Variants in ZBTB40 observed in about 807,000 individuals in gnomAD.
ZBTB40 encodes zinc finger and BTB domain-containing protein 40.
ZBTB40 carries 60 observed loss-of-function variants against 117.5 expected under a neutral mutation model. The ratio of observed to expected loss-of-function variants is 0.51; its 90% CI spans 0.41 to 0.63. The LOEUF (loss-of-function observed/expected upper bound fraction) is 0.63, where lower values mean the gene tolerates loss of function less well. Among genes scored for constraint, ZBTB40 ranks in the 30% least tolerant of loss-of-function variants. ZBTB40 has a pLI of 0.00. For missense variants in ZBTB40, 1,287 were observed against 1,498.5 expected (o/e 0.86, Z 2.33); for synonymous variants, 525 against 577.1 (o/e 0.91, Z 1.29).
At chr1:22,473,273 A>G (rs929229088) in intron 1 of ZBTB40, among the ~76,000 whole-genome samples, 1 of 152,172 alleles carries the variant, frequency 6.6e-6, no homozygotes, top group East Asian at 1.9e-4. Context: ...GGTGATTCTT[A>G]TGCACATTAA....
chr1:22,506,280 C>CT (rs1323527781), intron 6 of ZBTB40, 39 bp downstream of exon 6: 1 of 1,604,052 alleles, frequency 6.2e-7, no homozygotes, highest in Non-Finnish European at 8.5e-7. Flanking sequence ...TGGAACCACT[C>CT]TTCCAGAAAA....
intron 1 of ZBTB40, among the ~76,000 whole-genome samples, chr1:22,444,534 G>A (rs925906026): frequency 3.3e-5 from 5 of 152,228 alleles, no homozygotes; most frequent in Admixed American, 3.3e-4. Context: ...AGTTGGGCGA[G>A]TGGGTTCAAG....
intron 1 of ZBTB40, among the ~76,000 whole-genome samples, chr1:22,455,250 A>C (rs1002300446): frequency 6.6e-6 from 1 of 152,212 alleles, no homozygotes; most frequent in Non-Finnish European, 1.5e-5. Context: ...GCATGATTTC[A>C]AGTTTCCTCC....
chr1:22,508,148 G>A lies in ZBTB40; in HGVS notation c.1497+11G>A, dbSNP rs1389994405. The A allele has an allele frequency of 2.5e-6, 4 of 1,613,176 alleles. No individual in the cohort carries two copies. The highest frequency in any genetic ancestry group is 2.5e-6 in the Non-Finnish European group (3 of 1,179,898). ...CCTGGAGAAAGAGAGGTAAGAGAGG[G>A]AGAGAAACAGAGGGAGGGGAGGGTA... On this transcript the variant is annotated intron_variant, in intron 7 of 17. Coordinates refer to ENST00000375647, the MANE Select transcript of ZBTB40 (RefSeq NM_014870.4).
intron 3 of ZBTB40, among the ~76,000 whole-genome samples, chr1:22,495,764 C>G (rs912145602): frequency 1.3e-5 from 2 of 152,188 alleles, no homozygotes; most frequent in African/African-American, 4.8e-5. Flanking sequence ...CATCCACCCG[C>G]CTTGGCCTCC....
chr1:22,483,150 T>C (rs1038048996), intron 1 of ZBTB40, among the ~76,000 whole-genome samples: 3 of 152,196 alleles, frequency 2.0e-5, no homozygotes, highest in African/African-American at 7.2e-5. Flanking sequence ...CTCATATCTT[T>C]TTAGCACTTT....
chr1:22,464,891 T>G (rs1215577135), intron 1 of ZBTB40, among the ~76,000 whole-genome samples: 1 of 152,204 alleles, frequency 6.6e-6, no homozygotes. Context: ...ATATGTAATT[T>G]ACATACCATA....
rs200373661 is a variant in ZBTB40, at chr1:22,468,088, C to CA, written c.-70+16099dup. ...TGAGTGACAGAGCAAGACCCCATCTCAAAAAAAAAAAAAAAGAAAAGAAGC... is the reference window on the plus strand; with the variant it reads ...TGAGTGACAGAGCAAGACCCCATCTCAAAAAAAAAAAAAAAAGAAAAGAAGC... On this transcript the variant is annotated intron_variant, in intron 1 of 17. Transcript: ENST00000375647. Among the ~76,000 whole-genome samples the CA allele has an allele frequency of 8.5e-3, 897 of 105,782 alleles. 1 individual carries two copies. Among genetic ancestry groups the CA allele is most frequent in the African/African-American group, 0.02 (588 of 29,046 alleles). 69.4% of individuals were successfully genotyped at this position (105,782 alleles called of 152,430 possible). A position where few individuals can be genotyped will look rare whatever the true frequency, so the allele number is the denominator to read the frequency against.
At chr1:22,505,632 T>C (rs1326096323) in intron 5 of ZBTB40, among the ~76,000 whole-genome samples, 3 of 152,194 alleles carry the variant, frequency 2.0e-5, no homozygotes, top group Non-Finnish European at 4.4e-5. Context: ...TTATGAACTT[T>C]ACTGAAAAAA....
At chr1:22,519,355 C>CA (rs1391742389) in intron 13 of ZBTB40, among the ~76,000 whole-genome samples, 2 of 152,252 alleles carry the variant, frequency 1.3e-5, no homozygotes, top group African/African-American at 4.8e-5. Flanking sequence ...ATGTAGCTCT[C>CA]AGACAGCATG....
chr1:22,521,481 C>T lies in ZBTB40; in HGVS notation c.3049-15C>T, dbSNP rs1569889312. 2 of 1,614,192 alleles carry T rather than the reference C, an allele frequency of 1.2e-6. No individual in the cohort carries two copies. The highest frequency in any genetic ancestry group is 1.7e-6 in the Non-Finnish European group (2 of 1,180,030). ...GGAACTTTCTAAGACCTAACACTTG[C>T]CAAATTCCTTGCAGCAATTGTCTGG... On this transcript the variant is annotated splice_polypyrimidine_tract_variant and intron_variant, in intron 14 of 17. Coordinates refer to ENST00000375647, the MANE Select transcript of ZBTB40 (RefSeq NM_014870.4).
chr1:22,458,790 C>G (rs1179026607), intron 1 of ZBTB40, among the ~76,000 whole-genome samples: 1 of 152,084 alleles, frequency 6.6e-6, no homozygotes, highest in East Asian at 1.9e-4. Flanking sequence ...GGGGTTTCAC[C>G]ATGTTGCCCA....
rs1639366521 is a variant in ZBTB40, at chr1:22,516,099, A to G, written c.2669-1201A>G. Among the ~76,000 whole-genome samples the G allele has an allele frequency of 2.6e-5, 4 of 152,212 alleles. No individual in the cohort carries two copies. The South Asian group carries it at 8.3e-4, about 32-fold the overall frequency. Reference sequence around the variant, plus strand: ...TGAAGGAAAGAAAGGAACTAAAGGAACTGAAGGCTTTGGGGCTTTGCCATG... The same window carrying G: ...TGAAGGAAAGAAAGGAACTAAAGGAGCTGAAGGCTTTGGGGCTTTGCCATG... On this transcript the variant is annotated intron_variant, in intron 12 of 17. Coordinates refer to ENST00000375647, the MANE Select transcript of ZBTB40 (RefSeq NM_014870.4).
chr1:22,493,799 T>G (rs1317435751), intron 3 of ZBTB40, among the ~76,000 whole-genome samples: 1 of 151,918 alleles, frequency 6.6e-6, no homozygotes, highest in Non-Finnish European at 1.5e-5. Context: ...CCCATGTTTT[T>G]TTTTTTTTTT....
chr1:22,484,575 C>T (rs995317031), intron 1 of ZBTB40, among the ~76,000 whole-genome samples: 1 of 152,278 alleles, frequency 6.6e-6, no homozygotes, highest in East Asian at 1.9e-4. Context: ...TAAAGACAAT[C>T]ATGTAGTCTG....
chr1:22,501,240 C>T (rs1638926821), intron 3 of ZBTB40, among the ~76,000 whole-genome samples: 1 of 152,128 alleles, frequency 6.6e-6, no homozygotes. Flanking sequence ...GGAAAGGCCT[C>T]CCAGCAGAGG....
chr1:22,508,288 G>A (rs1639128890), intron 7 of ZBTB40, 151 bp downstream of exon 7: 1 of 1,076,264 alleles, frequency 9.3e-7, no homozygotes, highest in Non-Finnish European at 1.3e-6. Flanking sequence ...AGGTATCTCA[G>A]TTTCTAAGGT....
Position 22,491,548 on chromosome 1 carries a change from C to G in ZBTB40, c.831+15C>G. ...CACAGAAGGAGGTAGGCACCTCTGACTTTTGTACTTGTTTGCTAGTTTAGT... is the reference window on the plus strand; with the variant it reads ...CACAGAAGGAGGTAGGCACCTCTGAGTTTTGTACTTGTTTGCTAGTTTAGT... On this transcript the variant is annotated intron_variant, in intron 3 of 17. Transcript: ENST00000375647. 5.0e-6 allele frequency: 8 copies of G among 1,613,044 alleles called. No homozygotes were observed. The highest frequency in any genetic ancestry group is 6.8e-6 in the Non-Finnish European group (8 of 1,179,378).
rs771186482 is a variant in ZBTB40, at chr1:22,517,349, TGAGC to T, written c.2719_2722del (p.Glu907CysfsTer5). 2 of 1,614,236 alleles carry T rather than the reference TGAGC, an allele frequency of 1.2e-6. No individual in the cohort carries two copies. Among genetic ancestry groups the T allele is most frequent in the Non-Finnish European group, 1.7e-6 (2 of 1,180,052 alleles). ...GTGATGCTGTGTTTGCCCAGTCTAT[TGAGC>T]TGTCCCGCCACGTGAGGACCCACAC... On this transcript the variant is annotated frameshift_variant, in exon 13 of 18. Transcript: ENST00000375647. LOFTEE classifies it high-confidence loss of function.
Sources: gnomAD v4.1 joint callset for allele counts (sites outside exome capture counted in the v4.1 genomes callset) on GRCh38, gnomAD v4.1.1 for gene constraint, MANE v1.5 for transcripts, NCBI Gene and HGNC (gene_info 2026-07-23, HGNC 2026-07-21) for gene names.